Variants in PDK3 observed in about 807,000 individuals in gnomAD.
PDK3 encodes the protein pyruvate dehydrogenase kinase 3.
A neutral mutation model predicts 32.0 loss-of-function variants in PDK3; 12 were observed. That is an observed-to-expected ratio of 0.37 (90% confidence interval 0.24 to 0.61). The LOEUF is 0.61. Ranked by LOEUF, PDK3 falls within the 20% of genes least tolerant of loss-of-function variation. The probability of loss-of-function intolerance (pLI) is 0.65; values close to 1 mark genes in which losing one functional copy is unlikely to be tolerated. For synonymous variants in PDK3, 122 were observed against 116.3 expected (o/e 1.05, Z -0.31); for missense variants, 188 against 316.9 (o/e 0.59, Z 3.09).
intron 1 of PDK3, among the ~76,000 whole-genome samples, chrX:24,469,773 G>A (rs988549891): frequency 5.6e-4 from 62 of 111,466 alleles, no homozygotes; most frequent in African/African-American, 2.0e-3. Context: ...CCTGGGGGAT[G>A]TACATGTATA....
intron 3 of PDK3, among the ~76,000 whole-genome samples, chrX:24,501,163 A>G (rs980532767): frequency 2.7e-5 from 3 of 111,891 alleles, no homozygotes. Flanking sequence ...TTCTACTACC[A>G]GGGGACAACC....
rs373474685 is a variant in PDK3 at position 24,501,082 on chromosome X, GTCAAATATTTCA to G, written c.320+2195_320+2206del. ...TATGTATTTGTTACAGAAATATTTC[GTCAAATATTTCA>G]TCAAATATTTCAGAAAAATAAGACT... On this transcript the variant is annotated intron_variant, in intron 3 of 10. Coordinates refer to ENST00000379162, the MANE Select transcript of PDK3 (RefSeq NM_005391.5). 1.6e-3 allele frequency among the ~76,000 whole-genome samples: 177 copies of G among 110,918 alleles called. 1 individual carries two copies. Among genetic ancestry groups the G allele is most frequent in the African/African-American group, 5.5e-3 (168 of 30,535 alleles).
chrX:24,505,319 G>T (rs374399879), intron 5 of PDK3, 21 bp downstream of exon 5: 1 of 1,100,594 alleles, frequency 9.1e-7, no homozygotes, highest in African/African-American at 1.8e-5. Context: ...CGTTGTAATG[G>T]TATCGATCGT....
At chrX:24,493,046 A>C (rs1324649066) in intron 1 of PDK3, among the ~76,000 whole-genome samples, 3 of 111,034 alleles carry the variant, frequency 2.7e-5, no homozygotes, top group Non-Finnish European at 5.7e-5. Flanking sequence ...TAATTGCCTA[A>C]GGCCAAATGA....
chrX:24,523,030 CTA>C (rs1288029703), intron 6 of PDK3, among the ~76,000 whole-genome samples: 1 of 111,830 alleles, frequency 8.9e-6, no homozygotes, highest in Non-Finnish European at 1.9e-5. Context: ...ATTTAGGCTG[CTA>C]TAACAAAAAT....
At chrX:24,506,801 CTTTTTTTTT>C (rs10682263) in intron 5 of PDK3, among the ~76,000 whole-genome samples, 98 of 49,487 alleles carry the variant, frequency 2.0e-3, no homozygotes, top group African/African-American at 6.9e-3. Context: ...TTTTTTCTTT[CTTTTTTTTT>C]TTTTTTTTTT....
At chrX:24,466,769 A>C (rs1940068947) in intron 1 of PDK3, among the ~76,000 whole-genome samples, 1 of 112,048 alleles carries the variant, frequency 8.9e-6, no homozygotes, top group South Asian at 3.7e-4. Context: ...GCATCTTCAA[A>C]CTTCACTCCC....
At chrX:24,516,798 CTTTT>C (rs568709962) in intron 5 of PDK3, among the ~76,000 whole-genome samples, 1 of 99,695 alleles carries the variant, frequency 1.0e-5, no homozygotes, top group African/African-American at 3.6e-5. Flanking sequence ...GTTGTATGTA[CTTTT>C]TTTTTTTTTT....
At chrX:24,545,307 G>C (rs1318585853) in exon 12 of PDK3, among the ~76,000 whole-genome samples, 1 of 111,909 alleles carries the variant, frequency 8.9e-6, no homozygotes, top group African/African-American at 3.3e-5. Flanking sequence ...GAAAGAGAAA[G>C]GTGTTAAGTC....
downstream of PDK3, among the ~76,000 whole-genome samples, chrX:24,536,321 C>T (rs1233049379): frequency 9.0e-6 from 1 of 111,462 alleles, no homozygotes; most frequent in African/African-American, 3.3e-5. Context: ...TCATTTCGGC[C>T]TGTGTTAAAA....
At chrX:24,513,551 C>A in intron 5 of PDK3, 1 of 135,438 alleles carries the variant, frequency 7.4e-6, no homozygotes, top group Non-Finnish European at 1.6e-5. Context: ...AGGGCCGTGT[C>A]ATTGGTTTTG....
At chrX:24,481,406 A>G (rs1390946295) in intron 1 of PDK3, among the ~76,000 whole-genome samples, 3 of 111,788 alleles carry the variant, frequency 2.7e-5, no homozygotes, top group African/African-American at 9.8e-5. Context: ...CTTAGAATTT[A>G]TATTAGTAGG....
At chrX:24,496,356 A>G (rs1019948687) in intron 2 of PDK3, among the ~76,000 whole-genome samples, 8 of 110,000 alleles carry the variant, frequency 7.3e-5, no homozygotes, top group African/African-American at 2.3e-4. Flanking sequence ...ATGTCTATAT[A>G]TGGTACACAC....
At chrX:24,476,479 TC>T (rs1450511182) in intron 1 of PDK3, among the ~76,000 whole-genome samples, 1 of 111,407 alleles carries the variant, frequency 9.0e-6, no homozygotes, top group African/African-American at 3.3e-5. Flanking sequence ...GACTCGAGTA[TC>T]CATGGATTTT....
chrX:24,491,616 G>A (rs1410836441), intron 1 of PDK3, among the ~76,000 whole-genome samples: 1 of 110,855 alleles, frequency 9.0e-6, no homozygotes, highest in East Asian at 2.8e-4. Flanking sequence ...GCTGAGACTG[G>A]ACTAAGCAGG....
chrX:24,525,475 A>G (rs1341060945), intron 6 of PDK3, among the ~76,000 whole-genome samples: 1 of 112,459 alleles, frequency 8.9e-6, no homozygotes, highest in African/African-American at 3.2e-5. Context: ...AAATTACAGC[A>G]TTCTACCTGA....
chrX:24,492,777 G>A (rs770394161), intron 1 of PDK3, among the ~76,000 whole-genome samples: 2 of 110,743 alleles, frequency 1.8e-5, no homozygotes, highest in South Asian at 7.7e-4. Flanking sequence ...CGAGGCGGGT[G>A]GATCACGAGT....
rs755021255 is a variant in PDK3 at position 24,506,588 on chromosome X, G to A, written c.595+1290G>A. Among the ~76,000 whole-genome samples the A allele has an allele frequency of 2.7e-5, 3 of 111,416 alleles. No individual in the cohort carries two copies. The East Asian group carries it at 8.4e-4, about 31-fold the overall frequency. On this transcript the variant is annotated intron_variant, in intron 5 of 10. Transcript: ENST00000379162. ...TTTTATAACTTGCATAGAACCAACT[G>A]TAGTGCTTGTGTAGGTGATTAATAA...
chrX:24,541,873 C>G (rs192943848), exon 12 of PDK3, among the ~76,000 whole-genome samples: 81 of 112,447 alleles, frequency 7.2e-4, no homozygotes, highest in African/African-American at 2.5e-3. Flanking sequence ...CTGTACTGCT[C>G]TTTCATTTAC....
Sources: gnomAD v4.1 joint callset for allele counts (sites outside exome capture counted in the v4.1 genomes callset) on GRCh38, gnomAD v4.1.1 for gene constraint, MANE v1.5 for transcripts, NCBI Gene and HGNC (gene_info 2026-07-23, HGNC 2026-07-21) for gene names.